Variants in MAGEC3 observed in about 807,000 individuals in gnomAD.
MAGEC3 encodes the protein melanoma-associated antigen C3.
MAGEC3 carries 34 observed loss-of-function variants against 35.3 expected under a neutral mutation model. The observed-to-expected ratio is 0.96, with a 90% CI of 0.73 to 1.28. The LOEUF is 1.28. Ranked by LOEUF, MAGEC3 falls within the 50% of genes most tolerant of loss-of-function variation. MAGEC3 has a pLI of 0.00. For synonymous variants in MAGEC3, 202 were observed against 185.6 expected (o/e 1.09, Z -0.72); for missense variants, 561 against 483.6 (o/e 1.16, Z -1.50).
chrX:141,838,947 A>C, intron 1 of MAGEC3: 1 of 587,788 alleles, frequency 1.7e-6, no homozygotes. Flanking sequence ...GTAGCTGCTT[A>C]AGTCTCAAGA....
At chrX:141,891,725 TTATA>T (rs2018044349) in intron 4 of MAGEC3, among the ~76,000 whole-genome samples, 1 of 103,281 alleles carries the variant, frequency 9.7e-6, no homozygotes, top group Non-Finnish European at 2.0e-5. Context: ...ATATATATAT[TTATA>T]TATGCATATA....
At chrX:141,892,753 T>C (rs1232895718) in intron 4 of MAGEC3, among the ~76,000 whole-genome samples, 1 of 111,964 alleles carries the variant, frequency 8.9e-6, no homozygotes, top group Non-Finnish European at 1.9e-5. Context: ...GTTAAACTTA[T>C]GGGTGCAAAC....
At chrX:141,896,023 T>A (rs963128469) in intron 6 of MAGEC3, among the ~76,000 whole-genome samples, 1 of 109,757 alleles carries the variant, frequency 9.1e-6, no homozygotes, top group Non-Finnish European at 1.9e-5. Context: ...CATGGCCCTG[T>A]CTGAGAAAAG....
intron 4 of MAGEC3, among the ~76,000 whole-genome samples, chrX:141,892,541 A>G (rs1452530414): frequency 2.7e-5 from 3 of 111,470 alleles, no homozygotes; most frequent in African/African-American, 3.3e-5. Flanking sequence ...TCACCAATTA[A>G]TTCTCTCACA....
intron 1 of MAGEC3, among the ~76,000 whole-genome samples, chrX:141,843,528 T>A (rs1297475363): frequency 9.0e-6 from 1 of 111,579 alleles, no homozygotes; most frequent in African/African-American, 3.2e-5. Context: ...CTCTAAAGAA[T>A]ACGTGTGAGG....
At chrX:141,840,424 A>G (rs1046008883) in intron 1 of MAGEC3, among the ~76,000 whole-genome samples, 6 of 112,302 alleles carry the variant, frequency 5.3e-5, no homozygotes, top group Non-Finnish European at 1.1e-4. Flanking sequence ...TACATTTAGC[A>G]CAAGATTTTG....
chrX:141,879,329 G>C lies in MAGEC3; in HGVS notation c.413G>C (p.Trp138Ser), dbSNP rs2017942441. ...CCACTCAACGAGAAGAGAACTCTGT[G>C]GAAGGACAGTGACCTTCCAACATGG... ...DWPLNEKRTL[W>S]KDSDLPTWRR... is the part of the protein sequence containing the mutation. Residue 138 changes from tryptophan (W) to serine (S), a missense_variant, in exon 3 of 8, where the codon TGG (tryptophan) becomes TCG (serine). Physicochemically the swap from Trp to Ser is radical, Grantham distance 177 (BLOSUM62 -3). Transcript: ENST00000298296. 8.3e-7 allele frequency: 1 copy of C among 1,204,170 alleles called. No individual in the cohort carries two copies. The highest frequency in any genetic ancestry group is 1.1e-6 in the Non-Finnish European group (1 of 891,560).
At chrX:141,894,581 C>T in intron 4 of MAGEC3, 9 of 880,712 alleles carry the variant, frequency 1.0e-5, no homozygotes, top group Non-Finnish European at 1.3e-5. Flanking sequence ...GGGGGAGTGC[C>T]GGCCCTGGAA....
chrX:141,861,591 G>A (rs914512534), intron 1 of MAGEC3, among the ~76,000 whole-genome samples: 4 of 111,251 alleles, frequency 3.6e-5, no homozygotes, highest in Non-Finnish European at 7.6e-5. Context: ...TAGACACAAT[G>A]GAATGAAATG....
intron 1 of MAGEC3, among the ~76,000 whole-genome samples, chrX:141,855,414 A>C (rs1755819672): frequency 2.7e-5 from 3 of 111,587 alleles, no homozygotes; most frequent in African/African-American, 9.7e-5. Flanking sequence ...ATTTTTCCCA[A>C]AACATTATTC....
At chrX:141,875,919 C>A in intron 2 of MAGEC3, among the ~76,000 whole-genome samples, 1 of 111,528 alleles carries the variant, frequency 9.0e-6, no homozygotes, top group Middle Eastern at 4.7e-3. Context: ...GGACACTGAG[C>A]CAAAGCTGAA....
At chrX:141,857,408 T>C (rs1434619805) in intron 1 of MAGEC3, among the ~76,000 whole-genome samples, 2 of 111,093 alleles carry the variant, frequency 1.8e-5, no homozygotes, top group Admixed American at 9.6e-5. Context: ...CAAACCTCTA[T>C]ATTTTCCACA....
chrX:141,856,890 A>C (rs889848907), intron 1 of MAGEC3, among the ~76,000 whole-genome samples: 1 of 112,017 alleles, frequency 8.9e-6, no homozygotes, highest in African/African-American at 3.2e-5. Context: ...GGCTTTCATT[A>C]CAGGGAGAGA....
At chrX:141,894,955 T>G (rs1418732963) in intron 4 of MAGEC3, 10 of 462,530 alleles carry the variant, frequency 2.2e-5, no homozygotes, top group African/African-American at 2.0e-4. Context: ...TAGGAAAAGG[T>G]GGGAGGGAGT....
intron 1 of MAGEC3, among the ~76,000 whole-genome samples, chrX:141,841,533 A>T (rs2017685762): frequency 9.0e-6 from 1 of 111,597 alleles, no homozygotes; most frequent in East Asian, 2.8e-4. Flanking sequence ...TAAGAAATCA[A>T]CTGTAGATAT....
At chrX:141,864,331 A>AT in intron 1 of MAGEC3, among the ~76,000 whole-genome samples, 1 of 109,452 alleles carries the variant, frequency 9.1e-6, no homozygotes, top group Admixed American at 9.8e-5. Context: ...AAAAAAAAAA[A>AT]AAAATTAAAA....
intron 2 of MAGEC3, among the ~76,000 whole-genome samples, chrX:141,878,080 C>T (rs1370485334): frequency 6.3e-5 from 7 of 111,987 alleles, no homozygotes; most frequent in Non-Finnish European, 1.1e-4. Flanking sequence ...TTGGCTGTAC[C>T]GGTTGATTGA....
chrX:141,896,806 CCCT>C, intron 6 of MAGEC3, 73 bp from the exon 7 acceptor site: 4 of 1,204,419 alleles, frequency 3.3e-6, no homozygotes, highest in Non-Finnish European at 4.5e-6. Context: ...CTTTTTATTC[CCCT>C]CCTCCTCTTC....
chrX:141,889,309 A>T (rs1030837586), intron 4 of MAGEC3, among the ~76,000 whole-genome samples: 18 of 111,702 alleles, frequency 1.6e-4, no homozygotes, highest in African/African-American at 5.9e-4. Flanking sequence ...TCGTGAGTCC[A>T]GGAATCAAGG....
Sources: allele counts gnomAD v4.1 joint callset (sites outside exome capture counted in the v4.1 genomes callset), GRCh38; gene constraint gnomAD v4.1.1; transcripts MANE v1.5; gene names NCBI Gene and HGNC (gene_info 2026-07-23, HGNC 2026-07-21).